The following LEPROTL1 variants were observed in gnomAD, a reference collection of about 807,000 sequenced individuals.
The protein encoded by LEPROTL1 is leptin receptor overlapping transcript-like 1.
LEPROTL1 carries 6 observed loss-of-function variants against 15.4 expected under a neutral mutation model. That is an observed-to-expected ratio of 0.39 (90% CI 0.21 to 0.77). LEPROTL1 has a LOEUF of 0.77. Ranked by LOEUF, LEPROTL1 falls within the 30% of genes least tolerant of loss-of-function variation. LEPROTL1 has a pLI of 0.41. For synonymous variants in LEPROTL1, 56 were observed against 52.6 expected, an observed-to-expected ratio of 1.06 and a Z score of -0.28; for missense variants, 128 against 158.1, an observed-to-expected ratio of 0.81 and a Z score of 1.02.
intron 3 of LEPROTL1, among the ~76,000 whole-genome samples, chr8:30,121,642 T>C (rs1429563112): frequency 3.3e-5 from 5 of 152,268 alleles, no homozygotes; most frequent in South Asian, 2.1e-4. Flanking sequence ...CAGTGGTATG[T>C]GGGCTTTGGT....
Position 30,106,893 on chromosome 8 carries a change from C to T in LEPROTL1, c.*1031C>T, listed in dbSNP as rs1802576905. 2.0e-6 allele frequency: 2 copies of T among 982,084 alleles called. No homozygotes were observed. The highest frequency in any genetic ancestry group is 2.4e-6 in the Non-Finnish European group (2 of 826,694). 60.8% of individuals were successfully genotyped at this position (982,084 alleles called of 1,614,324 possible). A position where few individuals can be genotyped will look rare whatever the true frequency, so the allele number is the denominator to read the frequency against. On this transcript the variant is annotated 3_prime_UTR_variant, in exon 4 of 4. Transcript: ENST00000321250. Reference sequence around the variant, plus strand: ...TAACTTTTCAAATATAGTTTAATAACACTTAGAAGTGTTTACTTACCTGGA... The same window carrying T: ...TAACTTTTCAAATATAGTTTAATAATACTTAGAAGTGTTTACTTACCTGGA...
rs1270838187 is a variant in LEPROTL1, at chr8:30,108,231, T to G, written c.*2369T>G. ...AAATGGAAACCATAGTTACAGATAT[T>G]ACAATGCAGCCCTGTAATTTTGAGC... On this transcript the variant is annotated 3_prime_UTR_variant, in exon 4 of 4. Transcript: ENST00000321250. The G allele has an allele frequency of 6.3e-6, 1 of 158,660 alleles. No individual in the cohort carries two copies. The highest frequency in any genetic ancestry group is 2.4e-5 in the African/African-American group (1 of 41,572). 9.8% of individuals were successfully genotyped at this position (158,660 alleles called of 1,614,324 possible).
chr8:30,117,927 A>T, intron 3 of LEPROTL1: 1 of 495,284 alleles, frequency 2.0e-6, no homozygotes. Context: ...AAAAATGCTT[A>T]TAGACATAAA....
chr8:30,125,024 T>C (rs898810987), intron 3 of LEPROTL1, among the ~76,000 whole-genome samples: 1 of 152,216 alleles, frequency 6.6e-6, no homozygotes, highest in South Asian at 2.1e-4. Context: ...ATGTAACATA[T>C]CCAGATTGGC....
intron 4 of LEPROTL1, chr8:30,132,798 G>T (rs1295413954): frequency 4.5e-6 from 7 of 1,551,634 alleles, no homozygotes; most frequent in Non-Finnish European, 6.1e-6. Context: ...AAGAGCTCCT[G>T]CTCCTGAAGC....
At chr8:30,113,948 C>T (rs1456756909) in intron 3 of LEPROTL1, among the ~76,000 whole-genome samples, 2 of 152,170 alleles carry the variant, frequency 1.3e-5, no homozygotes, top group South Asian at 2.1e-4. Flanking sequence ...CCTAGGGAGA[C>T]CCTAGCAACT....
intron 3 of LEPROTL1, among the ~76,000 whole-genome samples, chr8:30,118,994 C>T (rs6984264): frequency 0.022 from 3,421 of 152,224 alleles, 53 homozygotes; most frequent in Non-Finnish European, 0.033. Flanking sequence ...GGGGGATGGT[C>T]AGGTCTTTCC....
chr8:30,101,288 T>G (rs1802461811), intron 1 of LEPROTL1, among the ~76,000 whole-genome samples: 1 of 152,174 alleles, frequency 6.6e-6, no homozygotes, highest in Non-Finnish European at 1.5e-5. Context: ...AGAAGAGCAT[T>G]GAGCCTGTGG....
chr8:30,096,022 G>C, intron 1 of LEPROTL1: 1 of 602,928 alleles, frequency 1.7e-6, no homozygotes, highest in East Asian at 3.0e-5. Context: ...TCGACCCCAC[G>C]TCCACCCCGG....
chr8:30,111,762 G>T (rs1802655324), downstream of LEPROTL1, among the ~76,000 whole-genome samples: 1 of 152,160 alleles, frequency 6.6e-6, no homozygotes, highest in Non-Finnish European at 1.5e-5. Flanking sequence ...GTCGGGTGGG[G>T]GGTGGTTTTC....
chr8:30,127,964 A>T (rs1802933037), intron 3 of LEPROTL1, among the ~76,000 whole-genome samples: 1 of 152,070 alleles, frequency 6.6e-6, no homozygotes, highest in Admixed American at 6.6e-5. Flanking sequence ...AGAGTCTTGG[A>T]AGTAATAGAG....
Position 30,106,781 on chromosome 8 carries a change from G to C in LEPROTL1, c.*919G>C. 1.0e-6 allele frequency: 1 copy of C among 984,412 alleles called. No individual in the cohort carries two copies. Among genetic ancestry groups the C allele is most frequent in the Non-Finnish European group, 1.2e-6 (1 of 828,630 alleles). The allele number at this position is 984,412 out of a possible 1,614,324, so 61.0% of individuals were successfully genotyped here. ...ATGGAACCACTACTGATGAGGGACA[G>C]TTGTATGTTTGCATCATATATGCCA... On this transcript the variant is annotated 3_prime_UTR_variant, in exon 4 of 4. Transcript: ENST00000321250.
intron 3 of LEPROTL1, among the ~76,000 whole-genome samples, chr8:30,128,266 T>G (rs1309479998): frequency 6.6e-6 from 1 of 152,144 alleles, no homozygotes; most frequent in Non-Finnish European, 1.5e-5. Flanking sequence ...CTCTACAGAA[T>G]GCAAATAGAA....
chr8:30,107,575 A>C lies in LEPROTL1; in HGVS notation c.*1713A>C, dbSNP rs907888934. ...GCCTAACTTAAGCCATGACTTTTAGATATGAGATGACGGGAAGCAGGACGA... is the reference window on the plus strand; with the variant it reads ...GCCTAACTTAAGCCATGACTTTTAGCTATGAGATGACGGGAAGCAGGACGA... On this transcript the variant is annotated 3_prime_UTR_variant, in exon 4 of 4. Transcript: ENST00000321250. The C allele has an allele frequency of 7.1e-6, 7 of 985,752 alleles. No individual in the cohort carries two copies. Among genetic ancestry groups the C allele is most frequent in the African/African-American group, 1.7e-5 (1 of 57,240 alleles). The allele number at this position is 985,752 out of a possible 1,614,324, so 61.1% of individuals were successfully genotyped here.
At chr8:30,118,329 A>G (rs1170364916) in intron 3 of LEPROTL1, among the ~76,000 whole-genome samples, 1 of 152,180 alleles carries the variant, frequency 6.6e-6, no homozygotes, top group Non-Finnish European at 1.5e-5. Context: ...AAACACAAAT[A>G]TATTAATATA....
At position 30,117,327 on chromosome 8, in the gene LEPROTL1, T is replaced by C. The variant is rs933515434; in HGVS notation, c.279+12841T>C. The C allele has an allele frequency of 6.3e-4, 542 of 861,872 alleles. 2 individuals carry two copies. Among genetic ancestry groups the C allele is most frequent in the Non-Finnish European group, 6.4e-5 (35 of 542,886 alleles). 53.4% of individuals were successfully genotyped at this position (861,872 alleles called of 1,614,324 possible). A position where few individuals can be genotyped will look rare whatever the true frequency, so the allele number is the denominator to read the frequency against. ...AAATAGTGAGACCCTGTTTCTTTTT[T>C]TTTTTTTTAATTGTCTGTGAGGCAT... On this transcript the variant is annotated intron_variant, in intron 3 of 4. Coordinates refer to the LEPROTL1 transcript ENST00000442880.
At chr8:30,132,324 G>A in intron 3 of LEPROTL1, 6 of 1,551,748 alleles carry the variant, frequency 3.9e-6, no homozygotes, top group Non-Finnish European at 4.4e-6. Context: ...ATCGAGCTGT[G>A]CTTTGGTTCC....
chr8:30,100,215 GT>G (rs58362755), intron 1 of LEPROTL1, among the ~76,000 whole-genome samples: 21,649 of 152,128 alleles, frequency 0.14, 1,909 homozygotes, highest in East Asian at 0.3. Flanking sequence ...GACTGTTTTA[GT>G]TGTGCAGAGT....
intron 3 of LEPROTL1, chr8:30,132,335 A>T (rs1286287130): frequency 7.7e-6 from 12 of 1,551,760 alleles, no homozygotes; most frequent in Non-Finnish European, 9.6e-6. Context: ...CTTTGGTTCC[A>T]CTTTCTTGAG....
Sources: allele counts gnomAD v4.1 joint callset (sites outside exome capture counted in the v4.1 genomes callset), GRCh38; gene constraint gnomAD v4.1.1; transcripts MANE v1.5; gene names NCBI Gene and HGNC (gene_info 2026-07-23, HGNC 2026-07-21).